Variants in TPO observed in about 807,000 individuals in gnomAD.
TPO encodes thyroid microsomal antigen.
Under a neutral mutation model 96.9 loss-of-function variants are expected in TPO, and 78 were observed. The observed-to-expected ratio is 0.81, with a 90% CI of 0.67 to 0.97. The LOEUF is 0.97. Ranked by LOEUF, TPO falls within the 50% of genes least tolerant of loss-of-function variation. The pLI, the probability that TPO is intolerant of heterozygous loss-of-function variation, is 0.00. For synonymous variants in TPO, 547 were observed against 538.0 expected (o/e 1.02, Z -0.23); for missense variants, 1,252 against 1,274.8 (o/e 0.98, Z 0.27).
chr2:1,542,423 G>C lies in TPO; in HGVS notation c.2751G>C (p.Glu917Asp), dbSNP rs151057272. Residue 917 changes from glutamate to aspartate, a missense_variant and splice_region_variant, in exon 17 of 17, where the codon GAG (glutamate) becomes GAC (aspartate). Physicochemically the swap from Glu to Asp is conservative, Grantham distance 45. Transcript: ENST00000329066. ...QRAAAQDSEQ[E>D]SAGMEGRDTH... is the part of the protein sequence containing the mutation. The stretch of plus-strand genomic sequence containing the variant: ...ATGTTTGTTCTGCATTTTTGCAGGA[G>C]AGTGCTGGGATGGAAGGCCGGGATA... 1 of 1,614,186 alleles carries C rather than the reference G, an allele frequency of 6.2e-7. No individual in the cohort carries two copies.
chr2:1,507,843 G>A (rs1310256568), intron 14 of TPO, among the ~76,000 whole-genome samples: 1 of 152,116 alleles, frequency 6.6e-6, no homozygotes, highest in Non-Finnish European at 1.5e-5. Flanking sequence ...GGGACAATTT[G>A]ACTTCCTCTT....
rs555725500 is a variant in TPO, at chr2:1,426,367, A to G, written c.179+3238A>G. On this transcript the variant is annotated intron_variant, in intron 3 of 16. Coordinates refer to ENST00000329066, the MANE Select transcript of TPO (RefSeq NM_001206744.2). ...TCTCAGAAGTCCGTGCTCCTTCCAT[A>G]AAGTCATTTTTCTAGATGCCGGGAT... Among the ~76,000 whole-genome samples, 7 of 150,692 alleles carry G rather than the reference A, an allele frequency of 4.6e-5. No homozygotes were observed. In the East Asian group the frequency reaches 1.4e-3, roughly 29 times the overall value.
chr2:1,453,953 T>A lies in TPO; in HGVS notation c.612+130T>A, dbSNP rs1364653543. ...GCAATCCCTTCAGATCCTCCCAGCCTCCCTTTGATGTAGCAATCACTGTTT... is the reference window on the plus strand; with the variant it reads ...GCAATCCCTTCAGATCCTCCCAGCCACCCTTTGATGTAGCAATCACTGTTT... On this transcript the variant is annotated intron_variant, in intron 6 of 16. Coordinates refer to ENST00000329066, the MANE Select transcript of TPO (RefSeq NM_001206744.2). 1.1e-5 allele frequency: 15 copies of A among 1,392,602 alleles called. No homozygotes were observed. The South Asian group carries it at 1.9e-4, about 17-fold the overall frequency. The allele number at this position is 1,392,602 out of a possible 1,614,324, so 86.3% of individuals were successfully genotyped here. A position where few individuals can be genotyped will look rare whatever the true frequency, so the allele number is the denominator to read the frequency against.
At chr2:1,438,736 A>C (rs1423411295) in intron 5 of TPO, 3 of 698,854 alleles carry the variant, frequency 4.3e-6, no homozygotes, top group Non-Finnish European at 7.9e-6. Context: ...CACATGATCT[A>C]AATCTTGCTT....
intron 15 of TPO, among the ~76,000 whole-genome samples, chr2:1,527,299 T>TAACCTCCCAAAATACCCCCCGTGAGC (rs1676808675): frequency 1.0e-5 from 1 of 98,730 alleles, no homozygotes; most frequent in Non-Finnish European, 1.9e-5. Context: ...CCTCACTGTG[T>TAACCTCCCAAAATACCCCCCGTGAGC]AACCTCCCCA....
intron 1 of TPO, among the ~76,000 whole-genome samples, chr2:1,379,241 G>T (rs1047956815): frequency 6.6e-6 from 1 of 152,100 alleles, no homozygotes; most frequent in African/African-American, 2.4e-5. Context: ...GGAGGCGGAG[G>T]TTGCAGTGAG....
intron 12 of TPO, among the ~76,000 whole-genome samples, 186 bp from the exon 13 acceptor site, chr2:1,496,409 C>A (rs534690857): frequency 5.3e-5 from 8 of 152,240 alleles, no homozygotes; most frequent in African/African-American, 1.9e-4. Flanking sequence ...AGAAAGGGAG[C>A]CCGCGGGGCC....
intron 15 of TPO, among the ~76,000 whole-genome samples, chr2:1,538,778 CGTTGAT>C (rs1456040189): frequency 6.6e-6 from 1 of 152,152 alleles, no homozygotes; most frequent in Non-Finnish European, 1.5e-5. Context: ...AAGCAACAGA[CGTTGAT>C]GTTCTCACAG....
intron 1 of TPO, among the ~76,000 whole-genome samples, chr2:1,393,870 T>C (rs929244579): frequency 6.6e-6 from 1 of 152,238 alleles, no homozygotes; most frequent in African/African-American, 2.4e-5. Flanking sequence ...TACGCATTTA[T>C]TGCTATAAGG....
chr2:1,425,251 C>T (rs1383685718), intron 3 of TPO, among the ~76,000 whole-genome samples: 1 of 152,092 alleles, frequency 6.6e-6, no homozygotes, highest in Non-Finnish European at 1.5e-5. Context: ...ATTTCATATT[C>T]TCAGAAGTCT....
intron 15 of TPO, among the ~76,000 whole-genome samples, chr2:1,530,284 C>A (rs1276117329): frequency 8.3e-6 from 1 of 119,946 alleles, no homozygotes; most frequent in Non-Finnish European, 1.7e-5. Flanking sequence ...TCCTCAAATC[C>A]CCCGCCAGTG....
At chr2:1,456,373 C>G in intron 7 of TPO, 91 bp downstream of exon 7, 1 of 1,376,550 alleles carries the variant, frequency 7.3e-7, no homozygotes, top group South Asian at 1.3e-5. Context: ...ATGTGAAAGT[C>G]TGTTTCTTTG....
intron 15 of TPO, among the ~76,000 whole-genome samples, chr2:1,517,519 GTCC>G: frequency 6.6e-6 from 1 of 151,994 alleles, no homozygotes; most frequent in Non-Finnish European, 1.5e-5. Context: ...GCGGCAGCTG[GTCC>G]ATGTCCCTAG....
intron 13 of TPO, 158 bp from the exon 14 acceptor site, chr2:1,503,790 C>A: frequency 7.3e-7 from 1 of 1,364,432 alleles, no homozygotes; most frequent in Non-Finnish European, 1.0e-6. Flanking sequence ...TTCGGATGTG[C>A]CGGGAGCAGG....
At chr2:1,412,847 C>T (rs913246626), upstream of TPO, among the ~76,000 whole-genome samples, 4 of 151,750 alleles carry the variant, frequency 2.6e-5, no homozygotes, top group Non-Finnish European at 5.9e-5. Context: ...TCCCAGTGTT[C>T]GGAATGCAGT....
chr2:1,466,474 C>T (rs1668908945), intron 7 of TPO, among the ~76,000 whole-genome samples: 1 of 152,098 alleles, frequency 6.6e-6, no homozygotes, highest in East Asian at 1.9e-4. Flanking sequence ...GGTAACAATT[C>T]TTCTTTGAAT....
intron 7 of TPO, among the ~76,000 whole-genome samples, chr2:1,464,762 C>T (rs1411866433): frequency 1.3e-5 from 2 of 151,938 alleles, no homozygotes; most frequent in Non-Finnish European, 2.9e-5. Context: ...GTTTTTCTTA[C>T]TGATTTGTTT....
chr2:1,384,391 C>T (rs1013878038), intron 1 of TPO, among the ~76,000 whole-genome samples: 1 of 152,128 alleles, frequency 6.6e-6, no homozygotes, highest in African/African-American at 2.4e-5. Context: ...TTTCATTGAG[C>T]AGTGGTTTGT....
chr2:1,427,940 C>T (rs748394307), intron 3 of TPO, among the ~76,000 whole-genome samples: 1 of 152,162 alleles, frequency 6.6e-6, no homozygotes, highest in East Asian at 1.9e-4. Context: ...GGATGACAGA[C>T]AGAAGAGCTA....
Sources: gnomAD v4.1 joint callset for allele counts (sites outside exome capture counted in the v4.1 genomes callset) on GRCh38, gnomAD v4.1.1 for gene constraint, MANE v1.5 for transcripts, NCBI Gene and HGNC (gene_info 2026-07-23, HGNC 2026-07-21) for gene names.